CYFIP1: variants seen among roughly 807,000 people sequenced by gnomAD.
CYFIP1 encodes the protein cytoplasmic FMR1-interacting protein 1.
Under a neutral mutation model 163.5 loss-of-function variants are expected in CYFIP1, and 58 were observed. The observed-to-expected ratio is 0.35, with a 90% CI of 0.29 to 0.44. CYFIP1 has a LOEUF of 0.44. Among genes scored for constraint, CYFIP1 ranks in the 20% least tolerant of loss-of-function variants. The probability of loss-of-function intolerance (pLI) is 1.00; values close to 1 mark genes in which losing one functional copy is unlikely to be tolerated. For missense variants in CYFIP1, 1,338 were observed against 1,653.8 expected, an observed-to-expected ratio of 0.81 and a Z score of 3.31; for synonymous variants, 663 against 660.7, an observed-to-expected ratio of 1.00 and a Z score of -0.05.
intron 1 of CYFIP1, among the ~76,000 whole-genome samples, chr15:22,969,837 C>T (rs2063030463): frequency 6.6e-6 from 1 of 151,914 alleles, no homozygotes; most frequent in East Asian, 1.9e-4. Context: ...AAAGAGTAAC[C>T]AAAAGAGAGG....
chr15:22,874,015 A>G (rs937140685), intron 28 of CYFIP1, among the ~76,000 whole-genome samples: 3 of 152,346 alleles, frequency 2.0e-5, no homozygotes, highest in Middle Eastern at 3.4e-3. Flanking sequence ...CTGGGATGAC[A>G]GGAATGAACC....
chr15:22,889,272 C>A (rs917026662), intron 23 of CYFIP1, among the ~76,000 whole-genome samples: 1 of 152,194 alleles, frequency 6.6e-6, no homozygotes, highest in Non-Finnish European at 1.5e-5. Context: ...AGTGCCCATT[C>A]CCTGGAGCCA....
At chr15:22,909,113 G>A in intron 21 of CYFIP1, 81 bp downstream of exon 21, 1 of 1,568,512 alleles carries the variant, frequency 6.4e-7, no homozygotes, top group Non-Finnish European at 8.8e-7. Context: ...CGCCCGATGA[G>A]TGCATCTCTT....
chr15:22,894,157 G>A (rs1435919824), intron 22 of CYFIP1, among the ~76,000 whole-genome samples: 1 of 151,968 alleles, frequency 6.6e-6, no homozygotes, highest in African/African-American at 2.4e-5. Flanking sequence ...GTCAGCCTCC[G>A]TCCACCTACA....
chr15:22,883,543 C>T lies in CYFIP1; in HGVS notation c.2677-532G>A, dbSNP rs539653436. On this transcript the variant is annotated intron_variant, in intron 23 of 30. Coordinates refer to ENST00000617928, the MANE Select transcript of CYFIP1 (RefSeq NM_014608.6). ...TAAAAAAAAGCAGGTTTAGGCCAGG[C>T]GCGGCGACTCACACCTGTAATCCCA... Among the ~76,000 whole-genome samples, 130 of 152,266 alleles carry T rather than the reference C, an allele frequency of 8.5e-4. No individual in the cohort carries two copies. The South Asian group carries it at 0.019, about 23-fold the overall frequency.
intron 1 of CYFIP1, among the ~76,000 whole-genome samples, chr15:22,968,228 T>A (rs2062976142): frequency 6.6e-6 from 1 of 152,210 alleles, no homozygotes; most frequent in Non-Finnish European, 1.5e-5. Flanking sequence ...TGTGTCAACT[T>A]GGCCAGGCCA....
At position 22,946,869 on chromosome 15, in the gene CYFIP1, T is replaced by C. The variant is rs540969551; in HGVS notation, c.207+134A>G. 194 of 792,856 alleles carry C rather than the reference T, an allele frequency of 2.4e-4. 2 individuals are homozygous for C. In the South Asian group the frequency reaches 2.6e-3, roughly 11 times the overall value. The allele number at this position is 792,856 out of a possible 1,614,324, so 49.1% of individuals were successfully genotyped here. ...AGAAAAGCAAAGACTGTCTTAAAAA[T>C]ATAAGGCATTTCATTCATTTTCTTC... On this transcript the variant is annotated intron_variant, in intron 3 of 30. Coordinates refer to ENST00000617928, the MANE Select transcript of CYFIP1 (RefSeq NM_014608.6).
In CYFIP1 at chr15:22,873,694, T is replaced by C. The variant is rs1259583581; in HGVS notation, c.3246A>G (p.Thr1082=). 6.2e-7 allele frequency: 1 copy of C among 1,613,776 alleles called. No homozygotes were observed. Among genetic ancestry groups the C allele is most frequent in the Non-Finnish European group, 8.5e-7 (1 of 1,179,756 alleles). ...IAIAREGDLL[T]KERLCCGLSM... ...ACAGGCCGCAGCAGAGGCGCTCCTT[T>C]GTCAGCAGGTCCCCCTCTCTTGCGA... Residue 1082 remains threonine (T), a synonymous_variant, in exon 29 of 31, where the codon ACA becomes ACG. Coordinates refer to ENST00000617928, the MANE Select transcript of CYFIP1 (RefSeq NM_014608.6).
At chr15:22,939,547 G>C in intron 6 of CYFIP1, 40 bp from the exon 7 acceptor site, 6 of 725,762 alleles carry the variant, frequency 8.3e-6, no homozygotes, top group Non-Finnish European at 1.1e-5. Context: ...ATGCACCAAC[G>C]TGCCACATTT....
rs917137307 is a variant in CYFIP1, at chr15:22,869,342, C to T, written c.*686G>A. 3 of 152,160 alleles carry T rather than the reference C, an allele frequency of 2.0e-5. No homozygotes were observed. The highest frequency in any genetic ancestry group is 4.8e-5 in the African/African-American group (2 of 41,414). 9.4% of individuals were successfully genotyped at this position (152,160 alleles called of 1,614,324 possible). ...GTGAGCGGTATATGGGATGGTGTCA[C>T]GGTCCCATCCCACCTCAGCCTTAGA... On this transcript the variant is annotated 3_prime_UTR_variant, in exon 31 of 31. Transcript: ENST00000617928.
At chr15:22,925,961 C>A (rs761176164) in intron 13 of CYFIP1, 21 bp downstream of exon 13, 2 of 1,609,772 alleles carry the variant, frequency 1.2e-6, no homozygotes, top group Non-Finnish European at 8.5e-7. Context: ...TGAGGAAGAG[C>A]GAGCGGCCGA....
At chr15:22,960,484 G>A (rs576854761) in intron 1 of CYFIP1, among the ~76,000 whole-genome samples, 45 of 152,324 alleles carry the variant, frequency 3.0e-4, no homozygotes, top group Admixed American at 1.2e-3. Flanking sequence ...GGGACCTAAC[G>A]GGGAGCTTCT....
At chr15:22,953,237 G>A (rs922127009) in intron 1 of CYFIP1, among the ~76,000 whole-genome samples, 2 of 152,112 alleles carry the variant, frequency 1.3e-5, no homozygotes, top group South Asian at 4.1e-4. Flanking sequence ...CAGAGCCAGC[G>A]TGGGGGCCCT....
intron 1 of CYFIP1, among the ~76,000 whole-genome samples, chr15:22,955,845 G>A (rs187103656): frequency 1.6e-4 from 25 of 152,000 alleles, no homozygotes; most frequent in Non-Finnish European, 1.9e-4. Flanking sequence ...CCCAGGAGAT[G>A]GGAGGGTGAT....
chr15:22,928,635 T>C (rs536416365), intron 11 of CYFIP1, among the ~76,000 whole-genome samples: 1 of 152,258 alleles, frequency 6.6e-6, no homozygotes, highest in Non-Finnish European at 1.5e-5. Context: ...ACAAGTCACG[T>C]GGGTTTGCTT....
chr15:22,870,431 C>T (rs1049693505), intron 30 of CYFIP1, among the ~76,000 whole-genome samples: 2 of 151,998 alleles, frequency 1.3e-5, no homozygotes, highest in African/African-American at 4.8e-5. Context: ...ACCTCAGCCT[C>T]CTGAGTAGCT....
intron 21 of CYFIP1, among the ~76,000 whole-genome samples, chr15:22,906,098 T>G (rs1321722215): frequency 6.6e-6 from 1 of 151,722 alleles, no homozygotes; most frequent in African/African-American, 2.4e-5. Context: ...AATAACCTTA[T>G]TTCTCGATTT....
chr15:22,867,148 G>T lies in CYFIP1; in HGVS notation c.*2880C>A. 2.2e-6 allele frequency: 1 copy of T among 444,866 alleles called. No individual in the cohort carries two copies. Among genetic ancestry groups the T allele is most frequent in the Admixed American group, 3.9e-5 (1 of 25,790 alleles). The allele number at this position is 444,866 out of a possible 1,614,324, so 27.6% of individuals were successfully genotyped here. A position where few individuals can be genotyped will look rare whatever the true frequency, so the allele number is the denominator to read the frequency against. On this transcript the variant is annotated 3_prime_UTR_variant, in exon 31 of 31. Coordinates refer to ENST00000617928, the MANE Select transcript of CYFIP1 (RefSeq NM_014608.6). ...ATGACAGTTTTAAGTCTATGAAAAT[G>T]CTTTATTTTTTCATTGGTGATGAAA...
intron 1 of CYFIP1, among the ~76,000 whole-genome samples, chr15:22,957,127 G>A (rs2062490103): frequency 6.6e-6 from 1 of 152,258 alleles, no homozygotes; most frequent in South Asian, 2.1e-4. Flanking sequence ...TCCCGCCACT[G>A]CAGCCCGCAC....
Sources: gnomAD v4.1 joint callset for allele counts (sites outside exome capture counted in the v4.1 genomes callset) on GRCh38, gnomAD v4.1.1 for gene constraint, MANE v1.5 for transcripts, NCBI Gene and HGNC (gene_info 2026-07-23, HGNC 2026-07-21) for gene names.